The following WDR72 variants were observed in gnomAD, a reference collection of about 807,000 sequenced individuals.
WDR72 encodes WD repeat domain 72, also known as WD repeat-containing protein 72.
A neutral mutation model predicts 124.2 loss-of-function variants in WDR72; 120 were observed. The observed-to-expected ratio is 0.97, with a 90% CI of 0.83 to 1.12. The LOEUF is 1.12. Among genes scored for constraint, WDR72 ranks in the 50% most tolerant of loss-of-function variants. WDR72 has a pLI of 0.00. For missense variants in WDR72, 1,387 were observed against 1,278.8 expected, an observed-to-expected ratio of 1.08 and a Z score of -1.29; for synonymous variants, 452 against 441.7, an observed-to-expected ratio of 1.02 and a Z score of -0.29.
In WDR72 at chr15:53,567,304, G is replaced by T. The variant is rs555215829; in HGVS notation, c.3148+29775C>A. 2.2e-4 allele frequency among the ~76,000 whole-genome samples: 34 copies of T among 152,084 alleles called. No homozygotes were observed. The South Asian group carries it at 6.9e-3, about 31-fold the overall frequency. ...TAGATTTTCTAAAACTGCCTAGACT[G>T]TGTAATATGTAGTTCATACAATAGA... On this transcript the variant is annotated intron_variant, in intron 18 of 19. Coordinates refer to ENST00000360509, the MANE Select transcript of WDR72 (RefSeq NM_182758.4).
chr15:53,582,167 A>G (rs970690293), intron 18 of WDR72, among the ~76,000 whole-genome samples: 4 of 151,938 alleles, frequency 2.6e-5, no homozygotes, highest in Non-Finnish European at 5.9e-5. Context: ...TACCTTTTAT[A>G]CTTGTGATTT....
intron 13 of WDR72, among the ~76,000 whole-genome samples, chr15:53,670,142 GTAAA>G (rs765068788): frequency 3.3e-5 from 5 of 151,890 alleles, no homozygotes; most frequent in Non-Finnish European, 2.9e-5. Context: ...ATGCTTTCCA[GTAAA>G]TATTTTGTAT....
chr15:53,605,867 A>T (rs988613159), intron 17 of WDR72, among the ~76,000 whole-genome samples: 1 of 152,020 alleles, frequency 6.6e-6, no homozygotes. Flanking sequence ...TAATTTGAGG[A>T]TCGGTTATTG....
intron 18 of WDR72, among the ~76,000 whole-genome samples, chr15:53,526,023 AT>A (rs1892092455): frequency 6.6e-6 from 1 of 152,028 alleles, no homozygotes; most frequent in African/African-American, 2.4e-5. Context: ...GTGATGTTTC[AT>A]CACTGAACTC....
At chr15:53,750,884 T>C (rs1358345423) in intron 1 of WDR72, among the ~76,000 whole-genome samples, 1 of 152,082 alleles carries the variant, frequency 6.6e-6, no homozygotes, top group Non-Finnish European at 1.5e-5. Context: ...AAAATGTAAA[T>C]GGATGAGAAG....
chr15:53,590,475 T>A (rs2140329798), intron 18 of WDR72, among the ~76,000 whole-genome samples: 1 of 152,200 alleles, frequency 6.6e-6, no homozygotes, highest in Admixed American at 6.6e-5. Context: ...TAGAGAATCT[T>A]TTTTTTCTGT....
At position 53,562,619 on chromosome 15, in the gene WDR72, A is replaced by G. The variant is rs796579132; in HGVS notation, c.3148+34460T>C. 1.3e-4 allele frequency among the ~76,000 whole-genome samples: 19 copies of G among 151,976 alleles called. 1 individual carries two copies. Among genetic ancestry groups the G allele is most frequent in the African/African-American group, 4.3e-4 (18 of 41,520 alleles). Reference sequence around the variant, plus strand: ...TCCTCAAATCATTTATGTAAATTGAAAAGTTATGAATAAGTAAAAACAGGA... The same window carrying G: ...TCCTCAAATCATTTATGTAAATTGAGAAGTTATGAATAAGTAAAAACAGGA... On this transcript the variant is annotated intron_variant, in intron 18 of 19. Transcript: ENST00000360509.
chr15:53,639,548 ATTT>A (rs2014765830), intron 14 of WDR72, among the ~76,000 whole-genome samples: 1 of 132,204 alleles, frequency 7.6e-6, no homozygotes, highest in South Asian at 2.2e-4. Context: ...ATATAATTTT[ATTT>A]ATTTATAAAA....
chr15:53,582,440 A>C, intron 18 of WDR72, among the ~76,000 whole-genome samples: 1 of 151,896 alleles, frequency 6.6e-6, no homozygotes, highest in Non-Finnish European at 1.5e-5. Flanking sequence ...GCGCCTGCAC[A>C]ATTTGATTTG....
chr15:53,574,921 A>T (rs1043499294), intron 18 of WDR72, among the ~76,000 whole-genome samples: 6 of 151,890 alleles, frequency 4.0e-5, no homozygotes, highest in Non-Finnish European at 8.8e-5. Flanking sequence ...CAACTCCCGT[A>T]CCAAGCCCTC....
intron 18 of WDR72, among the ~76,000 whole-genome samples, chr15:53,566,941 T>C (rs1894320714): frequency 6.6e-6 from 1 of 151,938 alleles, no homozygotes. Context: ...TTCTCTAGCC[T>C]GGCTGAGAGT....
chr15:53,592,717 T>C (rs911176979), intron 18 of WDR72, among the ~76,000 whole-genome samples: 9 of 152,056 alleles, frequency 5.9e-5, no homozygotes, highest in African/African-American at 2.2e-4. Flanking sequence ...CCATTTCTAG[T>C]TCAACCAATT....
rs2012819422 is a variant in WDR72, at chr15:53,597,189, G to A, written c.3038C>T (p.Pro1013Leu). The A allele has an allele frequency of 1.2e-6, 2 of 1,613,764 alleles. No individual in the cohort carries two copies. Among genetic ancestry groups the A allele is most frequent in the Non-Finnish European group, 1.7e-6 (2 of 1,179,880 alleles). Reference protein sequence around the residue: ...SLGKIPVNSQPVSMAENGNCE... With the variant: ...SLGKIPVNSQLVSMAENGNCE... ...GTTACCATTCTCTGCCATGGACACT[G>A]GTTGACTATTGACGGGTATCTTTCC... Residue 1013 changes from proline (P) to leucine (L), a missense_variant, in exon 18 of 20, where the codon CCA (proline) becomes CTA (leucine). Pro to Leu is a moderately conservative substitution (Grantham distance 98). Coordinates refer to ENST00000360509, the MANE Select transcript of WDR72 (RefSeq NM_182758.4).
chr15:53,609,481 T>C (rs2013438972), intron 17 of WDR72, 32 bp downstream of exon 17: 3 of 1,586,408 alleles, frequency 1.9e-6, no homozygotes, highest in Non-Finnish European at 2.6e-6. Context: ...GGAACTCTTC[T>C]AATAACGTCA....
At position 53,616,229 on chromosome 15, in the gene WDR72, T is replaced by G. The variant is rs776939462; in HGVS notation, c.1977A>C (p.Lys659Asn). 2 of 1,601,340 alleles carry G rather than the reference T, an allele frequency of 1.2e-6. No homozygotes were observed. Among genetic ancestry groups the G allele is most frequent in the Non-Finnish European group, 1.7e-6 (2 of 1,178,970 alleles). ...VESSCKVTDA[K>N]FCPRPFNVLP... ...AGACATTAAAAGGTCTTGGGCAAAA[T>G]TTGGCATCAGTAACCTAAGGGAACA... The change falls in exon 15 of 20, where the codon AAA (lysine) becomes AAC (asparagine). Residue 659 changes from lysine to asparagine, a missense_variant. Coordinates refer to ENST00000360509, the MANE Select transcript of WDR72 (RefSeq NM_182758.4).
Position 53,705,064 on chromosome 15 carries a change from T to G in WDR72, c.1272A>C (p.Glu424Asp). ...CCTGGGTAATGATAATTGTCCCATC[T>G]TCACAGCCACATATTAGTTTATCAA... ...PSLDKLICGC[E>D]DGTIIITQAL... The change falls in exon 11 of 20, where the codon GAA becomes GAC. Residue 424 changes from glutamate (E) to aspartate (D), a missense_variant. Transcript: ENST00000360509. 6.2e-7 allele frequency: 1 copy of G among 1,614,122 alleles called. No individual in the cohort carries two copies. Among genetic ancestry groups the G allele is most frequent in the Non-Finnish European group, 8.5e-7 (1 of 1,180,012 alleles).
In WDR72 at chr15:53,615,784, C is replaced by T. The variant is rs780970190; in HGVS notation, c.2422G>A (p.Asp808Asn). 2 of 1,613,528 alleles carry T rather than the reference C, an allele frequency of 1.2e-6. No homozygotes were observed. The highest frequency in any genetic ancestry group is 4.5e-5 in the East Asian group (2 of 44,852). Residue 808 changes from aspartate (D) to asparagine (N), a missense_variant, in exon 15 of 20, where the codon GAT (aspartate) becomes AAT (asparagine). Physicochemically the swap from Asp to Asn is conservative, Grantham distance 23. Transcript: ENST00000360509. ...FLSCLLPWGV[D>N]KDLDYLCIKH... ...ATGCAAAGATAATCTAAATCTTTAT[C>T]CACTCCCCATGGCAAAAGGCAAGAC...
chr15:53,739,704 C>A (rs1032638929), intron 1 of WDR72, among the ~76,000 whole-genome samples: 1 of 152,006 alleles, frequency 6.6e-6, no homozygotes, highest in Non-Finnish European at 1.5e-5. Flanking sequence ...TTCACCACAG[C>A]TTTTAGTATT....
chr15:53,745,167 A>C (rs2018613848), intron 1 of WDR72, among the ~76,000 whole-genome samples: 1 of 151,408 alleles, frequency 6.6e-6, no homozygotes, highest in Admixed American at 6.6e-5. Context: ...GAAAAAAAAA[A>C]TTACCTTGGA....
Sources: allele counts gnomAD v4.1 joint callset (sites outside exome capture counted in the v4.1 genomes callset), GRCh38; gene constraint gnomAD v4.1.1; transcripts MANE v1.5; gene names NCBI Gene and HGNC (gene_info 2026-07-23, HGNC 2026-07-21).